The following GALC variants were observed in gnomAD, a reference collection of about 807,000 sequenced individuals.
GALC encodes galactocerebrosidase.
GALC carries 77 observed loss-of-function variants against 91.8 expected under a neutral mutation model. The ratio of observed to expected loss-of-function variants is 0.84; its 90% CI spans 0.70 to 1.01. The LOEUF is 1.01. Among genes scored for constraint, GALC ranks in the 50% least tolerant of loss-of-function variants. The pLI is 0.00. For synonymous variants in GALC, 357 were observed against 306.7 expected, an observed-to-expected ratio of 1.16 and a Z score of -1.71; for missense variants, 882 against 855.9, an observed-to-expected ratio of 1.03 and a Z score of -0.38.
rs545240512 is a variant in GALC, at chr14:87,974,055, G to A, written c.752+2303C>T. On this transcript the variant is annotated intron_variant, in intron 7 of 16. Transcript: ENST00000261304. ...AATAGCTTGTATTAGTACATGGATA[G>A]TATAAATCATTCAATAACAAAAGAC... Among the ~76,000 whole-genome samples, 186 of 152,168 alleles carry A rather than the reference G, an allele frequency of 1.2e-3. 3 individuals carry two copies. In the Middle Eastern group the frequency reaches 0.02, roughly 17 times the overall value.
chr14:87,948,830 A>T (rs2139959000), intron 12 of GALC, among the ~76,000 whole-genome samples: 1 of 152,160 alleles, frequency 6.6e-6, no homozygotes, highest in South Asian at 2.1e-4. Context: ...AAGGTGTTTT[A>T]TCACTGTTAG....
intron 7 of GALC, among the ~76,000 whole-genome samples, chr14:87,971,939 G>A (rs1317917510): frequency 1.3e-5 from 2 of 152,128 alleles, no homozygotes. Flanking sequence ...ACAACTTTCA[G>A]TCACTAAGAA....
intron 6 of GALC, among the ~76,000 whole-genome samples, chr14:87,978,040 T>G (rs1172964296): frequency 6.6e-6 from 1 of 152,080 alleles, no homozygotes; most frequent in Non-Finnish European, 1.5e-5. Context: ...AATCCTGAAT[T>G]TCATCACCCT....
rs1361906568 is a variant in GALC, at chr14:87,933,943, G to A, written c.*789C>T. ...GACCACAGCACAGTGAGATGAGGCT[G>A]AGGAAACGACTACAACAGCATTGGC... On this transcript the variant is annotated 3_prime_UTR_variant, in exon 17 of 17. Transcript: ENST00000261304. 2.0e-6 allele frequency: 3 copies of A among 1,512,744 alleles called. No individual in the cohort carries two copies. The highest frequency in any genetic ancestry group is 2.7e-6 in the Non-Finnish European group (3 of 1,125,976). The allele number at this position is 1,512,744 out of a possible 1,614,324, so 93.7% of individuals were successfully genotyped here. A position where few individuals can be genotyped will look rare whatever the true frequency, so the allele number is the denominator to read the frequency against.
intron 5 of GALC, among the ~76,000 whole-genome samples, chr14:87,983,850 C>G (rs896321005): frequency 2.6e-5 from 4 of 152,198 alleles, no homozygotes; most frequent in Admixed American, 6.5e-5. Flanking sequence ...GGCCCATCAT[C>G]TGTAATTTTA....
At chr14:87,954,869 T>C (rs1297489007) in intron 10 of GALC, 3 of 1,602,634 alleles carry the variant, frequency 1.9e-6, no homozygotes, top group Non-Finnish European at 2.6e-6. Flanking sequence ...CCATTTACTA[T>C]GAAGAAAATA....
chr14:87,970,734 A>T (rs1275221931), intron 7 of GALC, among the ~76,000 whole-genome samples: 1 of 150,580 alleles, frequency 6.6e-6, no homozygotes, highest in Non-Finnish European at 1.5e-5. Flanking sequence ...CCAGGCGTGG[A>T]GGTGTGTGCC....
Position 87,993,084 on chromosome 14 carries a change from G to A in GALC, c.81C>T (p.Ala27=), listed in dbSNP as rs759433028. The A allele has an allele frequency of 3.5e-5, 56 of 1,579,972 alleles. No individual in the cohort carries two copies. In the South Asian group the frequency reaches 3.8e-4, roughly 11 times the overall value. ...MTAAAGSAGR[A]AVPLLLCALL... ...GCGCACACAGCAGCAAGGGCACCGC[G>A]GCGCGGCCCGCCGAACCCGCGGCCG... Residue 27 remains alanine, a synonymous_variant, in exon 1 of 17, where the codon GCC becomes GCT. Transcript: ENST00000261304.
intron 7 of GALC, among the ~76,000 whole-genome samples, chr14:87,973,529 T>C (rs1187247619): frequency 6.6e-6 from 1 of 152,168 alleles, no homozygotes. Flanking sequence ...ATCAATATAG[T>C]AGAAGCTTAA....
chr14:87,963,858 A>G (rs1010267042), intron 9 of GALC, among the ~76,000 whole-genome samples: 1 of 152,132 alleles, frequency 6.6e-6, no homozygotes, highest in East Asian at 1.9e-4. Context: ...AAAAGGTTTA[A>G]AAAGTTAATA....
Position 87,958,731 on chromosome 14 carries a change from G to C in GALC, c.1161+4653C>G, listed in dbSNP as rs192216586. Among the ~76,000 whole-genome samples the C allele has an allele frequency of 3.4e-4, 52 of 152,124 alleles. No homozygotes were observed. In the East Asian group the frequency reaches 9.7e-3, roughly 28 times the overall value. ...AACTAATTTTCAACAAAGGTGCCAA[G>C]AACACGCTAGGAAAAAGGACAGTCT... On this transcript the variant is annotated intron_variant, in intron 10 of 16. Coordinates refer to ENST00000261304, the MANE Select transcript of GALC (RefSeq NM_000153.4).
rs969694829 is a variant in GALC at position 87,955,071 on chromosome 14, C to T, written c.1162-4323G>A. On this transcript the variant is annotated intron_variant, in intron 10 of 16. Coordinates refer to ENST00000261304, the MANE Select transcript of GALC (RefSeq NM_000153.4). ...TGTTACACTCCTTGTCGGCAGTCAG[C>T]GCAGAACCTTGTGTATCAAAGATTC... is the stretch of plus-strand genomic sequence containing the variant. 10 of 1,337,740 alleles carry T rather than the reference C, an allele frequency of 7.5e-6. No homozygotes were observed. In the African/African-American group the frequency reaches 8.6e-5, roughly 12 times the overall value. 82.9% of individuals were successfully genotyped at this position (1,337,740 alleles called of 1,614,324 possible). A position where few individuals can be genotyped will look rare whatever the true frequency, so the allele number is the denominator to read the frequency against.
intron 14 of GALC, among the ~76,000 whole-genome samples, chr14:87,942,125 A>C (rs370144742): frequency 1.1e-4 from 16 of 152,102 alleles, no homozygotes; most frequent in Middle Eastern, 3.4e-3. Flanking sequence ...GGCTTCTCAC[A>C]CCTGAACAGC....
At chr14:87,935,491 C>T (rs1019332024) in intron 16 of GALC, among the ~76,000 whole-genome samples, 6 of 151,992 alleles carry the variant, frequency 3.9e-5, no homozygotes, top group East Asian at 1.9e-4. Context: ...TAGGGTGCAG[C>T]GGGTGGAAGA....
intron 10 of GALC, chr14:87,952,589 C>T: frequency 5.2e-6 from 7 of 1,347,512 alleles, no homozygotes; most frequent in Admixed American, 3.5e-5. Flanking sequence ...CCGTTGCTGA[C>T]CCCCGGAAAA....
At chr14:87,936,956 CATG>C (rs1209249580) in intron 16 of GALC, among the ~76,000 whole-genome samples, 3 of 128,356 alleles carry the variant, frequency 2.3e-5, no homozygotes, top group Non-Finnish European at 4.8e-5. Flanking sequence ...AAGTGTTCTT[CATG>C]ATATCATGGA....
At chr14:87,982,297 A>G (rs1007245527) in intron 5 of GALC, 54 bp from the exon 6 acceptor site, 2 of 1,224,590 alleles carry the variant, frequency 1.6e-6, no homozygotes, top group Non-Finnish European at 2.4e-6. Context: ...AATGTCAGAA[A>G]GCAGATTATC....
chr14:87,957,337 G>A (rs2139979040), intron 10 of GALC, among the ~76,000 whole-genome samples: 1 of 152,204 alleles, frequency 6.6e-6, no homozygotes, highest in African/African-American at 2.4e-5. Flanking sequence ...CTAGGCCAAT[G>A]TACAGAAGAA....
At chr14:87,974,951 CA>C (rs576456758) in intron 7 of GALC, among the ~76,000 whole-genome samples, 15 of 152,076 alleles carry the variant, frequency 9.9e-5, no homozygotes, top group Non-Finnish European at 2.2e-4. Context: ...TATTTTCATG[CA>C]ATATTTTTAT....
Sources: gnomAD v4.1 joint callset for allele counts (sites outside exome capture counted in the v4.1 genomes callset) on GRCh38, gnomAD v4.1.1 for gene constraint, MANE v1.5 for transcripts, NCBI Gene and HGNC (gene_info 2026-07-23, HGNC 2026-07-21) for gene names.